Variants in LDLRAD3 observed in about 807,000 individuals in gnomAD.
LDLRAD3 encodes low density lipoprotein receptor class A domain containing 3.
LDLRAD3 carries 20 observed loss-of-function variants against 29.4 expected under a neutral mutation model. The ratio of observed to expected loss-of-function variants is 0.68; its 90% CI spans 0.48 to 0.99. The LOEUF is 0.99. LDLRAD3 is among the 50% of genes least tolerant of loss of function. The pLI, the probability that LDLRAD3 is intolerant of heterozygous loss-of-function variation, is 0.00. For synonymous variants in LDLRAD3, 157 were observed against 192.7 expected (o/e 0.81, Z 1.53); for missense variants, 420 against 454.3 (o/e 0.92, Z 0.69).
At chr11:35,973,821 A>G (rs1214305821) in intron 1 of LDLRAD3, among the ~76,000 whole-genome samples, 1 of 152,094 alleles carries the variant, frequency 6.6e-6, no homozygotes, top group Non-Finnish European at 1.5e-5. Context: ...GAGAGGCTGC[A>G]CCAGTATACT....
rs150836134 is a variant in LDLRAD3, at chr11:36,154,613, T to G, written c.454+56152T>G. On this transcript the variant is annotated intron_variant, in intron 4 of 5. Coordinates refer to ENST00000315571, the MANE Select transcript of LDLRAD3 (RefSeq NM_174902.4). ...TTAATTGACCAAAAACCCCGTTATT[T>G]TCCCCCATTCCATACTGCCTGTAGC... is the stretch of plus-strand genomic sequence containing the variant. 5.3e-4 allele frequency among the ~76,000 whole-genome samples: 80 copies of G among 152,286 alleles called. 1 individual carries two copies. The highest frequency in any genetic ancestry group is 1.8e-3 in the African/African-American group (74 of 41,564).
chr11:36,124,553 A>C (rs1747978140), intron 4 of LDLRAD3, among the ~76,000 whole-genome samples: 1 of 151,952 alleles, frequency 6.6e-6, no homozygotes, highest in Admixed American at 6.6e-5. Flanking sequence ...GTATTTTGGG[A>C]GTTTTTTCAC....
At chr11:36,039,693 A>G (rs562511090) in intron 2 of LDLRAD3, among the ~76,000 whole-genome samples, 3 of 152,262 alleles carry the variant, frequency 2.0e-5, no homozygotes, top group East Asian at 1.9e-4. Flanking sequence ...GCCACATTCT[A>G]TATTGAGGAT....
At chr11:35,947,267 G>A (rs957863553) in intron 1 of LDLRAD3, among the ~76,000 whole-genome samples, 6 of 152,172 alleles carry the variant, frequency 3.9e-5, no homozygotes, top group Admixed American at 3.9e-4. Flanking sequence ...CCAGCACTTT[G>A]GGAGGCCAAG....
chr11:36,177,583 G>A (rs1278262593), intron 4 of LDLRAD3, among the ~76,000 whole-genome samples: 1 of 152,214 alleles, frequency 6.6e-6, no homozygotes, highest in Non-Finnish European at 1.5e-5. Context: ...GATTGTTATT[G>A]CTCTTCTGGG....
chr11:36,061,388 G>T (rs903938215), intron 2 of LDLRAD3, among the ~76,000 whole-genome samples: 2 of 152,172 alleles, frequency 1.3e-5, no homozygotes, highest in Non-Finnish European at 2.9e-5. Flanking sequence ...TGATCTGCCT[G>T]CCTTGGCCTC....
chr11:36,175,989 T>C (rs1854670466), intron 4 of LDLRAD3, among the ~76,000 whole-genome samples: 1 of 152,208 alleles, frequency 6.6e-6, no homozygotes, highest in East Asian at 1.9e-4. Flanking sequence ...AGGAGCTCCA[T>C]TGTTAGTACA....
At chr11:36,004,648 C>T (rs541586789) in intron 1 of LDLRAD3, among the ~76,000 whole-genome samples, 7 of 152,324 alleles carry the variant, frequency 4.6e-5, no homozygotes, top group Admixed American at 2.0e-4. Flanking sequence ...GTGGTTACTG[C>T]GTATAGGGGC....
Position 36,036,192 on chromosome 11 carries a change from G to T in LDLRAD3, c.136G>T (p.Ala46Ser), listed in dbSNP as rs146139497. 6.8e-6 allele frequency: 11 copies of T among 1,614,156 alleles called. No individual in the cohort carries two copies. The highest frequency in any genetic ancestry group is 3.3e-5 in the Admixed American group (2 of 60,032). The part of the protein sequence containing the change: ...MCSNGRCIPG[A>S]WQCDGLPDCF... ...CAGCAATGGACGGTGCATCCCGGGC[G>T]CCTGGCAGTGTGACGGGCTGCCTGA... The change falls in exon 2 of 6, where the codon GCC becomes TCC. Residue 46 changes from alanine to serine, a missense_variant. Coordinates refer to ENST00000315571, the MANE Select transcript of LDLRAD3 (RefSeq NM_174902.4).
At position 36,229,316 on chromosome 11, in the gene LDLRAD3, C is replaced by T. The variant is rs779341047; in HGVS notation, c.957C>T (p.His319=). 2 of 1,613,998 alleles carry T rather than the reference C, an allele frequency of 1.2e-6. No individual in the cohort carries two copies. Among genetic ancestry groups the T allele is most frequent in the African/African-American group, 2.7e-5 (2 of 74,946 alleles). ...TCCTGAGCGTGGAAGACACCAGCCA[C>T]AGCCCGGGGCAGCCTGGCCCCCAGG... is the stretch of plus-strand genomic sequence containing the variant. ...SSLLSVEDTS[H]SPGQPGPQEG... The change falls in exon 6 of 6, where the codon CAC becomes CAT. Residue 319 remains histidine, a synonymous_variant. Transcript: ENST00000315571.
chr11:36,110,176 T>G (rs1455248805), intron 4 of LDLRAD3: 3 of 152,238 alleles, frequency 2.0e-5, no homozygotes, highest in Non-Finnish European at 4.4e-5. Context: ...AGTTTGAAGA[T>G]TTCTGAAACG....
In LDLRAD3 at chr11:36,098,404, G is replaced by A. The variant is rs200985232; in HGVS notation, c.397G>A (p.Asp133Asn). 12 of 1,614,094 alleles carry A rather than the reference G, an allele frequency of 7.4e-6. No individual in the cohort carries two copies. The highest frequency in any genetic ancestry group is 4.0e-5 in the African/African-American group (3 of 74,938). ...CTGTATTGACAAGAGCTTCATCTGC[G>A]ATGGACAGAATAACTGTCAAGACAA... ...GLCIDKSFIC[D>N]GQNNCQDNSD... Residue 133 changes from aspartate to asparagine, a missense_variant, in exon 4 of 6, where the codon GAT becomes AAT. By Grantham distance (23) the Asp-to-Asn change is conservative. This residue lies in a region of LDLRAD3 where 224 missense variants were observed against 222.2 expected (regional missense o/e 1.01). Coordinates refer to ENST00000315571, the MANE Select transcript of LDLRAD3 (RefSeq NM_174902.4).
intron 4 of LDLRAD3, among the ~76,000 whole-genome samples, chr11:36,194,720 A>G (rs1324060091): frequency 3.3e-5 from 5 of 152,230 alleles, no homozygotes; most frequent in Non-Finnish European, 7.3e-5. Flanking sequence ...GCTTTGTCCC[A>G]TCTGAAAAAA....
At chr11:36,191,350 C>A (rs1037190616) in intron 4 of LDLRAD3, among the ~76,000 whole-genome samples, 1 of 151,936 alleles carries the variant, frequency 6.6e-6, no homozygotes, top group African/African-American at 2.4e-5. Flanking sequence ...CCAGCCTGAA[C>A]AACATACTGA....
chr11:36,119,262 C>T (rs898347322), intron 4 of LDLRAD3, among the ~76,000 whole-genome samples: 2 of 152,146 alleles, frequency 1.3e-5, no homozygotes, highest in African/African-American at 4.8e-5. Context: ...ATGAATAAGG[C>T]TGCCATGCAC....
intron 3 of LDLRAD3, among the ~76,000 whole-genome samples, chr11:36,083,344 T>G (rs1228056495): frequency 6.6e-6 from 1 of 152,212 alleles, no homozygotes; most frequent in Non-Finnish European, 1.5e-5. Context: ...CCACCACATA[T>G]TTTAATAAAT....
At chr11:36,128,674 C>A (rs1472915803) in intron 4 of LDLRAD3, among the ~76,000 whole-genome samples, 1 of 151,980 alleles carries the variant, frequency 6.6e-6, no homozygotes, top group African/African-American at 2.4e-5. Flanking sequence ...CATGGTGAAA[C>A]CCCATCTCTA....
chr11:36,007,364 T>A (rs1420949650), intron 1 of LDLRAD3, among the ~76,000 whole-genome samples: 1 of 152,202 alleles, frequency 6.6e-6, no homozygotes, highest in Non-Finnish European at 1.5e-5. Context: ...TGCAATTATA[T>A]CTACTGGCCG....
chr11:36,094,305 G>A (rs911239444), intron 3 of LDLRAD3, among the ~76,000 whole-genome samples: 2 of 152,146 alleles, frequency 1.3e-5, no homozygotes, highest in African/African-American at 2.4e-5. Flanking sequence ...ACCAGTTTTT[G>A]TACATAAAAT....
Sources: gnomAD v4.1 joint callset for allele counts (sites outside exome capture counted in the v4.1 genomes callset) on GRCh38, gnomAD v4.1.1 for gene constraint, gnomAD v4.1.1 regional missense constraint, MANE v1.5 for transcripts, NCBI Gene and HGNC (gene_info 2026-07-23, HGNC 2026-07-21) for gene names.